RAD51D: variants seen among roughly 807,000 people sequenced by gnomAD.
RAD51D encodes the protein RAD51 paralog D.
A neutral mutation model predicts 44.1 loss-of-function variants in RAD51D; 38 were observed. The ratio of observed to expected loss-of-function variants is 0.86; its 90% CI spans 0.67 to 1.13. The LOEUF (loss-of-function observed/expected upper bound fraction) is 1.13, where lower values mean the gene tolerates loss of function less well. Among genes scored for constraint, RAD51D ranks in the 50% most tolerant of loss-of-function variants. RAD51D has a pLI of 0.00. For synonymous variants in RAD51D, 141 were observed against 166.6 expected (o/e 0.85, Z 1.18); for missense variants, 390 against 414.0 (o/e 0.94, Z 0.50).
chr17:35,116,480 T>TTTTTA (rs372975479), intron 3 of RAD51D, among the ~76,000 whole-genome samples: 32,713 of 150,910 alleles, frequency 0.22, 4,251 homozygotes, highest in Middle Eastern at 0.32. Flanking sequence ...TGATGATTTA[T>TTTTTA]TTTTATTTTA....
intron 8 of RAD51D, 61 bp from the exon 9 acceptor site, chr17:35,101,426 G>A (rs899305634): frequency 2.1e-5 from 32 of 1,550,200 alleles, no homozygotes; most frequent in African/African-American, 4.1e-5. Flanking sequence ...GATTACTACC[G>A]CTTCATTTTA....
At chr17:35,116,938 C>G in intron 3 of RAD51D, 3 of 1,613,220 alleles carry the variant, frequency 1.9e-6, no homozygotes, top group South Asian at 1.1e-5. Flanking sequence ...CCAAGTCCTG[C>G]CTTCTTCAGA....
chr17:35,109,729 G>A (rs563737991), intron 3 of RAD51D, among the ~76,000 whole-genome samples: 91 of 151,616 alleles, frequency 6.0e-4, no homozygotes, highest in Middle Eastern at 3.4e-3. Context: ...GTGCAATGGC[G>A]TGATCTCGGC....
chr17:35,100,798 G>A lies in RAD51D; in HGVS notation c.*155C>T. 2.8e-6 allele frequency: 2 copies of A among 723,296 alleles called. No individual in the cohort carries two copies. Among genetic ancestry groups the A allele is most frequent in the Middle Eastern group, 7.2e-4 (2 of 2,776 alleles). The allele number at this position is 723,296 out of a possible 1,614,324, so 44.8% of individuals were successfully genotyped here. On this transcript the variant is annotated 3_prime_UTR_variant, in exon 10 of 10. Transcript: ENST00000345365. The stretch of plus-strand genomic sequence containing the variant: ...TTCGCCTGTGGTTTATATGCTTACA[G>A]AGAGTGAGGCCAAGGAACCCAAGAT...
intron 3 of RAD51D, chr17:35,115,213 GC>G (rs1183645565): frequency 2.0e-6 from 1 of 506,460 alleles, no homozygotes; most frequent in African/African-American, 1.9e-5. Context: ...CTTATCCTCT[GC>G]CTTTCCCTCT....
rs1460112911 is a variant in RAD51D, at chr17:35,096,073, T to C, written c.*4880A>G. On this transcript the variant is annotated 3_prime_UTR_variant, in exon 10 of 10. Coordinates refer to ENST00000345365, the MANE Select transcript of RAD51D (RefSeq NM_002878.4). ...ATGCTTTCAGACTATGTTGCAGCTC[T>C]GGAATTCTCTGAACCTGTCCTGGTT... The C allele has an allele frequency of 6.6e-6, 1 of 152,264 alleles. No individual in the cohort carries two copies. Among genetic ancestry groups the C allele is most frequent in the Non-Finnish European group, 1.5e-5 (1 of 68,052 alleles). 9.4% of individuals were successfully genotyped at this position (152,264 alleles called of 1,614,324 possible).
chr17:35,096,893 C>T lies in RAD51D; in HGVS notation c.*4060G>A, dbSNP rs2091489081. 1.3e-4 allele frequency: 1 copy of T among 7,988 alleles called. No homozygotes were observed. Among genetic ancestry groups the T allele is most frequent in the Non-Finnish European group, 2.2e-4 (1 of 4,568 alleles). The allele number at this position is 7,988 out of a possible 1,614,324, so 0.5% of individuals were successfully genotyped here. Reference sequence around the variant, plus strand: ...TATAAATAAGTGTCCCTAGTATTTACACTTCTTTAAGCCTAGGTTTTGTTA... The same window carrying T: ...TATAAATAAGTGTCCCTAGTATTTATACTTCTTTAAGCCTAGGTTTTGTTA... On this transcript the variant is annotated 3_prime_UTR_variant, in exon 10 of 10. Transcript: ENST00000345365.
chr17:35,104,563 T>G (rs556396569), intron 6 of RAD51D, among the ~76,000 whole-genome samples: 2 of 152,240 alleles, frequency 1.3e-5, no homozygotes, highest in Admixed American at 6.5e-5. Flanking sequence ...TTTTGTATTT[T>G]TAGCAGAGAC....
rs2142406210 is a variant in RAD51D at position 35,100,109 on chromosome 17, C to T, written c.*844G>A. 1 of 533,162 alleles carries T rather than the reference C, an allele frequency of 1.9e-6. No individual in the cohort carries two copies. Among genetic ancestry groups the T allele is most frequent in the South Asian group, 1.5e-5 (1 of 65,174 alleles). 33.0% of individuals were successfully genotyped at this position (533,162 alleles called of 1,614,324 possible). A position where few individuals can be genotyped will look rare whatever the true frequency, so the allele number is the denominator to read the frequency against. ...TTATGGGCAAGGCCATGGTTCAGCA[C>T]CTCTGGTTATGCTGTACTGTGGAGG... On this transcript the variant is annotated 3_prime_UTR_variant, in exon 10 of 10. Coordinates refer to ENST00000345365, the MANE Select transcript of RAD51D (RefSeq NM_002878.4).
chr17:35,107,326 C>G lies in RAD51D; in HGVS notation c.345+40G>C, dbSNP rs759935690. 7.2e-6 allele frequency: 11 copies of G among 1,518,860 alleles called. No individual in the cohort carries two copies. The Admixed American group carries it at 1.8e-4, about 25-fold the overall frequency. The allele number at this position is 1,518,860 out of a possible 1,614,324, so 94.1% of individuals were successfully genotyped here. On this transcript the variant is annotated intron_variant, in intron 4 of 9. Coordinates refer to ENST00000345365, the MANE Select transcript of RAD51D (RefSeq NM_002878.4). Reference sequence around the variant, plus strand: ...GACCCTGGGCTATGCATCTACCACCCTCACCCCTAAATCCTCCTGACTGCT... The same window carrying G: ...GACCCTGGGCTATGCATCTACCACCGTCACCCCTAAATCCTCCTGACTGCT...
Position 35,096,550 on chromosome 17 carries a change from TC to T in RAD51D, c.*4402del, listed in dbSNP as rs2091486749. 1 of 152,172 alleles carries T rather than the reference TC, an allele frequency of 6.6e-6. No individual in the cohort carries two copies. The highest frequency in any genetic ancestry group is 1.5e-5 in the Non-Finnish European group (1 of 68,042). 9.4% of individuals were successfully genotyped at this position (152,172 alleles called of 1,614,324 possible). ...CCACTAAATTAACAAACCTCAGACT[TC>T]CTGTTATCAGAGATAATAAGTGTCC... On this transcript the variant is annotated 3_prime_UTR_variant, in exon 10 of 10. Coordinates refer to ENST00000345365, the MANE Select transcript of RAD51D (RefSeq NM_002878.4).
In RAD51D at chr17:35,119,294, G is replaced by C; in HGVS notation, c.83-122C>G. On this transcript the variant is annotated intron_variant, in intron 1 of 9. Coordinates refer to ENST00000345365, the MANE Select transcript of RAD51D (RefSeq NM_002878.4). Reference sequence around the variant, plus strand: ...CCCGGCAGGCCGTCTCAGGAGGCCAGTGTGAAATAACAAAGCTGCAGGAGC... The same window carrying C: ...CCCGGCAGGCCGTCTCAGGAGGCCACTGTGAAATAACAAAGCTGCAGGAGC... 2.0e-6 allele frequency: 2 copies of C among 1,014,544 alleles called. 1 individual carries two copies. The allele number at this position is 1,014,544 out of a possible 1,614,324, so 62.8% of individuals were successfully genotyped here.
chr17:35,100,532 A>T lies in RAD51D; in HGVS notation c.*421T>A, dbSNP rs2091521670. On this transcript the variant is annotated 3_prime_UTR_variant, in exon 10 of 10. Coordinates refer to ENST00000345365, the MANE Select transcript of RAD51D (RefSeq NM_002878.4). ...AAATGGAAAGGCAGAGACAAAAGAA[A>T]AAAAAGGCAGCAGCAGCAAAGGCAA... 1 of 539,880 alleles carries T rather than the reference A, an allele frequency of 1.9e-6. No individual in the cohort carries two copies. The highest frequency in any genetic ancestry group is 1.9e-5 in the African/African-American group (1 of 54,038). 33.4% of individuals were successfully genotyped at this position (539,880 alleles called of 1,614,324 possible).
At position 35,099,154 on chromosome 17, in the gene RAD51D, C is replaced by A. The variant is rs1295116180; in HGVS notation, c.*1799G>T. The A allele has an allele frequency of 1.3e-5, 2 of 152,666 alleles. No individual in the cohort carries two copies. The highest frequency in any genetic ancestry group is 1.3e-4 in the Admixed American group (2 of 15,358). 9.5% of individuals were successfully genotyped at this position (152,666 alleles called of 1,614,324 possible). Reference sequence around the variant, plus strand: ...TAGGTGTGAGCCACTGTGCCTGGCCCCAGATGATCTCAAACTGCAGTCCTA... The same window carrying A: ...TAGGTGTGAGCCACTGTGCCTGGCCACAGATGATCTCAAACTGCAGTCCTA... On this transcript the variant is annotated 3_prime_UTR_variant, in exon 10 of 10. Transcript: ENST00000345365.
At chr17:35,108,615 C>T (rs908011644) in intron 3 of RAD51D, among the ~76,000 whole-genome samples, 3 of 151,496 alleles carry the variant, frequency 2.0e-5, no homozygotes, top group Admixed American at 6.6e-5. Flanking sequence ...CATTCAAGCA[C>T]GTGTGTTGAT....
Position 35,118,416 on chromosome 17 carries a change from G to T in RAD51D, c.263+85C>A, listed in dbSNP as rs181672547. On this transcript the variant is annotated intron_variant, in intron 3 of 9. Transcript: ENST00000345365. ...ATTGGTTAAAAAAAAAACCCCTCCC[G>T]TCTAGACTCAAGCATCAAAAGCAGA... The T allele has an allele frequency of 1.4e-3, 1,652 of 1,179,146 alleles. 5 individuals are homozygous for T. Among genetic ancestry groups the T allele is most frequent in the Non-Finnish European group, 2.0e-3 (1,544 of 790,120 alleles). 73.0% of individuals were successfully genotyped at this position (1,179,146 alleles called of 1,614,324 possible).
chr17:35,117,153 C>T, intron 3 of RAD51D: 2 of 1,182,126 alleles, frequency 1.7e-6, no homozygotes, highest in Non-Finnish European at 2.4e-6. Context: ...TTGATTTTCC[C>T]CTACACCCAA....
intron 3 of RAD51D, among the ~76,000 whole-genome samples, chr17:35,109,671 CTT>C: frequency 6.9e-6 from 1 of 145,242 alleles, no homozygotes; most frequent in East Asian, 2.0e-4. Flanking sequence ...TAGTGTTGAA[CTT>C]TTTTTTTTTT....
Position 35,100,727 on chromosome 17 carries a change from G to C in RAD51D, c.*226C>G. The C allele has an allele frequency of 1.5e-6, 1 of 664,154 alleles. No individual in the cohort carries two copies. Among genetic ancestry groups the C allele is most frequent in the Non-Finnish European group, 2.8e-6 (1 of 362,878 alleles). 41.1% of individuals were successfully genotyped at this position (664,154 alleles called of 1,614,324 possible). ...CACGTTAGAAATAAGGGAAGGAAACGTGGCACCAGTATGAATTTCTGGGTC... is the reference window on the plus strand; with the variant it reads ...CACGTTAGAAATAAGGGAAGGAAACCTGGCACCAGTATGAATTTCTGGGTC... On this transcript the variant is annotated 3_prime_UTR_variant, in exon 10 of 10. Transcript: ENST00000345365.
Sources: allele counts gnomAD v4.1 joint callset (sites outside exome capture counted in the v4.1 genomes callset), GRCh38; gene constraint gnomAD v4.1.1; transcripts MANE v1.5; gene names NCBI Gene and HGNC (gene_info 2026-07-23, HGNC 2026-07-21).